The following BCOR variants were observed in gnomAD, a reference collection of about 807,000 sequenced individuals.
BCOR encodes the protein BCL6 corepressor.
In BCOR, 10 loss-of-function variants were observed where a neutral mutation model predicts 86.7. The ratio of observed to expected loss-of-function variants is 0.12; its 90% confidence interval spans 0.07 to 0.20. The LOEUF (loss-of-function observed/expected upper bound fraction) is 0.20. BCOR is among the 10% of genes least tolerant of loss of function. The pLI, the probability that BCOR is intolerant of heterozygous loss-of-function variation, is 1.00. For synonymous variants in BCOR, 611 were observed against 609.0 expected (o/e 1.00, Z -0.05); for missense variants, 1,259 against 1,452.1 (o/e 0.87, Z 2.16).
intron 1 of BCOR, among the ~76,000 whole-genome samples, chrX:40,117,982 C>CTCTCTCTCT (rs1937421724): frequency 2.0e-5 from 2 of 101,378 alleles, no homozygotes; most frequent in African/African-American, 7.6e-5. Flanking sequence ...CTCTCTCTCT[C>CTCTCTCTCT]CACCCCCCCC....
At chrX:40,161,188 G>GT (rs1938411092) in intron 1 of BCOR, among the ~76,000 whole-genome samples, 1 of 97,400 alleles carries the variant, frequency 1.0e-5, no homozygotes, top group Non-Finnish European at 2.0e-5. Context: ...TTGTTTTTTT[G>GT]TTTTTTGGGG....
chrX:40,105,334 C>CCCG (rs1050311314), intron 1 of BCOR, among the ~76,000 whole-genome samples: 8 of 111,223 alleles, frequency 7.2e-5, no homozygotes, highest in South Asian at 3.7e-4. Flanking sequence ...TCGCGGCCGC[C>CCCG]CCGCCGCCGC....
At chrX:40,090,281 G>A (rs746474982) in intron 1 of BCOR, among the ~76,000 whole-genome samples, 2 of 113,445 alleles carry the variant, frequency 1.8e-5, no homozygotes, top group South Asian at 3.5e-4. Flanking sequence ...GAGGGGAGAC[G>A]GCGGCGCCGG....
intron 1 of BCOR, among the ~76,000 whole-genome samples, chrX:40,169,482 G>A (rs1399739035): frequency 9.0e-6 from 1 of 111,521 alleles, no homozygotes; most frequent in East Asian, 2.8e-4. Flanking sequence ...CTTTTTATAT[G>A]TAAAAACAGT....
At chrX:40,109,387 G>A (rs1002106461) in intron 1 of BCOR, among the ~76,000 whole-genome samples, 5 of 111,730 alleles carry the variant, frequency 4.5e-5, no homozygotes, top group African/African-American at 1.6e-4. Context: ...TCTTGCTTGC[G>A]AACAGGAAAT....
rs1261629533 is a variant in BCOR at position 40,073,860 on chromosome X, T to G, written c.1486A>C (p.Ile496Leu). 8.2e-6 allele frequency: 10 copies of G among 1,212,198 alleles called. No homozygotes were observed. The highest frequency in any genetic ancestry group is 1.1e-5 in the Non-Finnish European group (10 of 895,573). Residue 496 changes from isoleucine to leucine, a missense_variant, in exon 4 of 15, where the codon ATC becomes CTC. By Grantham distance (5) the Ile-to-Leu change is conservative. This residue lies in a region of BCOR where 534 missense variants were observed against 594.8 expected (regional missense o/e 0.90). Transcript: ENST00000378444. Reference sequence around the variant, plus strand: ...GTGCTGATGATTTCAGATCTATAGATAGCACAACCATTTCCTGGAGGAGAT... The same window carrying G: ...GTGCTGATGATTTCAGATCTATAGAGAGCACAACCATTTCCTGGAGGAGAT... The part of the protein sequence containing the change: ...TLSPPGNGCA[I>L]YRSEIISTAP...
At chrX:40,101,908 C>A (rs1293089365), upstream of BCOR, among the ~76,000 whole-genome samples, 1 of 112,102 alleles carries the variant, frequency 8.9e-6, no homozygotes, top group African/African-American at 3.2e-5. Flanking sequence ...TGTGAGGTAG[C>A]CTTTCTTTAA....
chrX:40,106,860 ACTCCCC>A (rs1270298870), intron 1 of BCOR, among the ~76,000 whole-genome samples: 1 of 103,227 alleles, frequency 9.7e-6, no homozygotes, highest in African/African-American at 3.6e-5. Flanking sequence ...GCTCCCTCCC[ACTCCCC>A]CTCCCCAACA....
intron 1 of BCOR, among the ~76,000 whole-genome samples, chrX:40,087,239 A>G (rs1936400118): frequency 8.9e-6 from 1 of 112,812 alleles, no homozygotes; most frequent in African/African-American, 3.2e-5. Flanking sequence ...AAATTGCCCA[A>G]CTCACTAAAT....
At chrX:40,075,683 CG>C (rs1292770444) in intron 3 of BCOR, among the ~76,000 whole-genome samples, 2 of 111,456 alleles carry the variant, frequency 1.8e-5, no homozygotes, top group Middle Eastern at 4.2e-3. Context: ...TGCTTGAACC[CG>C]GGAGGTGGAG....
chrX:40,147,277 G>A (rs184086292), intron 1 of BCOR, among the ~76,000 whole-genome samples: 1 of 112,711 alleles, frequency 8.9e-6, no homozygotes, highest in African/African-American at 3.2e-5. Context: ...AATGTTCCCC[G>A]TCAACTCTGC....
chrX:40,090,345 G>A (rs925099172), intron 1 of BCOR, among the ~76,000 whole-genome samples: 1 of 113,517 alleles, frequency 8.8e-6, no homozygotes, highest in Non-Finnish European at 1.9e-5. Flanking sequence ...GCCACCCCTG[G>A]CTGCAGGCCA....
At chrX:40,055,782 T>C (rs1421083808) in intron 11 of BCOR, among the ~76,000 whole-genome samples, 1 of 99,061 alleles carries the variant, frequency 1.0e-5, no homozygotes, top group African/African-American at 3.8e-5. Context: ...AAGAGACTAT[T>C]TCAGGCCTAA....
In BCOR at chrX:40,136,031, C is replaced by T. The variant is rs142490179; in HGVS notation, c.-41+40976G>A. On this transcript the variant is annotated intron_variant, in intron 1 of 14. Transcript: ENST00000342274. ...TAGAGGTAGAGCATGCCTCTTCATC[C>T]CACCGATGTCAGGCCACATGACTTC... 5.7e-3 allele frequency among the ~76,000 whole-genome samples: 642 copies of T among 111,989 alleles called. 6 individuals are homozygous for T. Among genetic ancestry groups the T allele is most frequent in the African/African-American group, 0.02 (607 of 30,789 alleles).
rs988298970 is a variant in BCOR, at chrX:40,164,700, C to A, written c.-41+12307G>T. On this transcript the variant is annotated intron_variant, in intron 1 of 14. Transcript: ENST00000342274. ...GTTTTGCTCTCCCTTCTCTTCTCTT[C>A]TCTCTTGTTTTTCTTGCCTCTCCTG... is the stretch of plus-strand genomic sequence containing the variant. Among the ~76,000 whole-genome samples, 5 of 112,093 alleles carry A rather than the reference C, an allele frequency of 4.5e-5. No homozygotes were observed. The Admixed American group carries it at 4.7e-4, about 11-fold the overall frequency.
rs953942401 is a variant in BCOR, at chrX:40,103,479, G to A, written c.-40-25510C>T. ...CCACCAGCAGCTTTTGAGAGATGAA[G>A]GAGGGGAGAAGTTCAGAAAGCGAGG... On this transcript the variant is annotated intron_variant, in intron 1 of 14. Coordinates refer to the BCOR transcript ENST00000342274. Among the ~76,000 whole-genome samples, 4 of 110,853 alleles carry A rather than the reference G, an allele frequency of 3.6e-5. No individual in the cohort carries two copies. The East Asian group carries it at 1.1e-3, about 31-fold the overall frequency.
chrX:40,150,946 T>A (rs1427103507), intron 1 of BCOR, among the ~76,000 whole-genome samples: 1 of 112,209 alleles, frequency 8.9e-6, no homozygotes, highest in Non-Finnish European at 1.9e-5. Context: ...CTCTTACAGA[T>A]CCATACAGGC....
At chrX:40,153,576 C>T (rs1247936574) in intron 1 of BCOR, among the ~76,000 whole-genome samples, 2 of 111,659 alleles carry the variant, frequency 1.8e-5, no homozygotes, top group Non-Finnish European at 3.8e-5. Flanking sequence ...GGCGCTCCCT[C>T]TGCCTCGGAA....
chrX:40,166,407 T>C (rs1263996465), intron 1 of BCOR, among the ~76,000 whole-genome samples: 2 of 112,227 alleles, frequency 1.8e-5, no homozygotes, highest in Non-Finnish European at 3.8e-5. Flanking sequence ...TTCCTTCTCA[T>C]AGGCTGCTCC....
Sources: gnomAD v4.1 joint callset for allele counts (sites outside exome capture counted in the v4.1 genomes callset) on GRCh38, gnomAD v4.1.1 for gene constraint, gnomAD v4.1.1 regional missense constraint, MANE v1.5 for transcripts, NCBI Gene and HGNC (gene_info 2026-07-23, HGNC 2026-07-21) for gene names.